CNTNAP2: variants seen among roughly 807,000 people sequenced by gnomAD.
The protein encoded by CNTNAP2 is contactin associated protein 2.
A neutral mutation model predicts 155.2 loss-of-function variants in CNTNAP2; 98 were observed. The ratio of observed to expected loss-of-function variants is 0.63; its 90% CI spans 0.54 to 0.75. CNTNAP2 has a LOEUF of 0.75. Ranked by LOEUF, CNTNAP2 falls within the 30% of genes least tolerant of loss-of-function variation. The probability of loss-of-function intolerance (pLI) is 0.00; values close to 1 mark genes in which losing one functional copy is unlikely to be tolerated. For synonymous variants in CNTNAP2, 651 were observed against 631.2 expected (o/e 1.03, Z -0.47); for missense variants, 1,727 against 1,688.1 (o/e 1.02, Z -0.40).
At chr7:146,830,517 A>G (rs1191798914) in intron 2 of CNTNAP2, among the ~76,000 whole-genome samples, 1 of 152,184 alleles carries the variant, frequency 6.6e-6, no homozygotes, top group Non-Finnish European at 1.5e-5. Context: ...CATATCTAAT[A>G]ATACATTGTA....
At chr7:146,969,178 G>C (rs1190062730) in intron 3 of CNTNAP2, among the ~76,000 whole-genome samples, 1 of 152,042 alleles carries the variant, frequency 6.6e-6, no homozygotes, top group East Asian at 1.9e-4. Context: ...CTGAGAGACA[G>C]TTTGTTATAA....
At chr7:147,721,537 G>T (rs1459307560) in intron 13 of CNTNAP2, among the ~76,000 whole-genome samples, 2 of 151,928 alleles carry the variant, frequency 1.3e-5, no homozygotes, top group Non-Finnish European at 2.9e-5. Context: ...CTGACATTTA[G>T]TCCCATGGAA....
At chr7:146,644,249 G>A (rs2129162063) in intron 1 of CNTNAP2, among the ~76,000 whole-genome samples, 1 of 152,248 alleles carries the variant, frequency 6.6e-6, no homozygotes, top group East Asian at 1.9e-4. Context: ...CAAAGGGAAT[G>A]CTTCCAGTTT....
intron 10 of CNTNAP2, among the ~76,000 whole-genome samples, chr7:147,485,376 T>G (rs1321418804): frequency 2.0e-5 from 3 of 152,240 alleles, no homozygotes; most frequent in Non-Finnish European, 4.4e-5. Flanking sequence ...TGTATTATGC[T>G]TGCTGCCTCT....
chr7:147,596,244 T>C (rs1800825308), intron 12 of CNTNAP2, among the ~76,000 whole-genome samples: 1 of 152,300 alleles, frequency 6.6e-6, no homozygotes, highest in East Asian at 1.9e-4. Flanking sequence ...CTTTTCTTTT[T>C]CTCACTCTCT....
intron 8 of CNTNAP2, among the ~76,000 whole-genome samples, chr7:147,136,857 T>C (rs1202586255): frequency 3.3e-5 from 5 of 151,966 alleles, no homozygotes; most frequent in Admixed American, 6.6e-5. Context: ...TTCAGTTCTA[T>C]ACTGATATTA....
intron 1 of CNTNAP2, among the ~76,000 whole-genome samples, chr7:146,671,248 C>CATGTAACT (rs1313721359): frequency 6.6e-6 from 1 of 152,122 alleles, no homozygotes; most frequent in Non-Finnish European, 1.5e-5. Flanking sequence ...TAGGAGGTTT[C>CATGTAACT]CCAAGACCCA....
intron 12 of CNTNAP2, among the ~76,000 whole-genome samples, chr7:147,581,233 G>T (rs535563101): frequency 6.6e-6 from 1 of 152,262 alleles, no homozygotes; most frequent in East Asian, 1.9e-4. Context: ...TGCCATTCTA[G>T]AGGTATAAGA....
intron 1 of CNTNAP2, among the ~76,000 whole-genome samples, chr7:146,465,807 GTTTT>G (rs376564465): frequency 6.6e-6 from 1 of 151,972 alleles, no homozygotes; most frequent in Non-Finnish European, 1.5e-5. Flanking sequence ...TTATGTTGTT[GTTTT>G]TTTATATGAT....
chr7:147,126,498 A>G (rs1028308926), intron 6 of CNTNAP2, among the ~76,000 whole-genome samples: 2 of 151,978 alleles, frequency 1.3e-5, no homozygotes, highest in African/African-American at 4.8e-5. Flanking sequence ...TTTGAGACGG[A>G]CTCTTTCTCT....
chr7:146,254,538 T>G (rs1799808465), intron 1 of CNTNAP2, among the ~76,000 whole-genome samples: 1 of 152,190 alleles, frequency 6.6e-6, no homozygotes, highest in Non-Finnish European at 1.5e-5. Context: ...AAAGGCAGTG[T>G]CCTATTAGAA....
At chr7:146,835,660 A>C (rs565972151) in intron 2 of CNTNAP2, among the ~76,000 whole-genome samples, 1 of 152,322 alleles carries the variant, frequency 6.6e-6, no homozygotes, top group African/African-American at 2.4e-5. Context: ...TTGTTAGTAA[A>C]CAGATTATCA....
chr7:146,491,950 A>G (rs1001305030), intron 1 of CNTNAP2, among the ~76,000 whole-genome samples: 6 of 152,062 alleles, frequency 3.9e-5, no homozygotes, highest in African/African-American at 1.2e-4. Context: ...TAAAGATATG[A>G]GGATGCAAAA....
intron 13 of CNTNAP2, among the ~76,000 whole-genome samples, chr7:147,872,141 A>T (rs1386208039): frequency 6.6e-6 from 1 of 152,108 alleles, no homozygotes; most frequent in Non-Finnish European, 1.5e-5. Flanking sequence ...GTGTGTTCCA[A>T]TTTACTGAAA....
chr7:147,582,239 A>C (rs1242670509), intron 12 of CNTNAP2, among the ~76,000 whole-genome samples: 2 of 152,154 alleles, frequency 1.3e-5, no homozygotes, highest in African/African-American at 2.4e-5. Context: ...TGGAGGTGAC[A>C]TTGAGAGATT....
chr7:147,898,122 C>A (rs1799803894), intron 13 of CNTNAP2, among the ~76,000 whole-genome samples: 1 of 152,106 alleles, frequency 6.6e-6, no homozygotes, highest in Admixed American at 6.6e-5. Flanking sequence ...TAATAACTTC[C>A]AAATTAAGTC....
chr7:147,564,518 C>G (rs901842191), intron 12 of CNTNAP2, among the ~76,000 whole-genome samples: 11 of 152,100 alleles, frequency 7.2e-5, no homozygotes, highest in Non-Finnish European at 1.6e-4. Flanking sequence ...AAAGTCTATT[C>G]TTAACCTCAA....
chr7:146,162,268 C>G (rs1002530418), intron 1 of CNTNAP2, among the ~76,000 whole-genome samples: 3 of 152,146 alleles, frequency 2.0e-5, no homozygotes, highest in Admixed American at 6.6e-5. Flanking sequence ...ACCCATCTGA[C>G]AAAGGGCTAA....
intron 10 of CNTNAP2, among the ~76,000 whole-genome samples, chr7:147,449,045 A>G (rs1286514542): frequency 6.6e-6 from 1 of 152,176 alleles, no homozygotes; most frequent in Non-Finnish European, 1.5e-5. Flanking sequence ...AATATCTTTA[A>G]CCAAAGGCAC....
Sources: gnomAD v4.1 joint callset for allele counts (sites outside exome capture counted in the v4.1 genomes callset) on GRCh38, gnomAD v4.1.1 for gene constraint, MANE v1.5 for transcripts, NCBI Gene and HGNC (gene_info 2026-07-23, HGNC 2026-07-21) for gene names.